The following PRIM2 variants were observed in gnomAD, a reference collection of about 807,000 sequenced individuals.
PRIM2 encodes DNA primase large subunit.
Under a neutral mutation model 67.3 loss-of-function variants are expected in PRIM2, and 39 were observed. That is an observed-to-expected ratio of 0.58 (90% CI 0.45 to 0.76). The LOEUF is 0.76. PRIM2 is among the 30% of genes least tolerant of loss of function. PRIM2 has a pLI of 0.00. For missense variants in PRIM2, 398 were observed against 598.7 expected (o/e 0.66, Z 3.50); for synonymous variants, 143 against 198.7 (o/e 0.72, Z 2.36).
intron 12 of PRIM2, among the ~76,000 whole-genome samples, chr6:57,623,616 A>G (rs1214030549): frequency 2.6e-5 from 4 of 152,180 alleles, no homozygotes; most frequent in African/African-American, 9.7e-5. Context: ...CTAACTGCCT[A>G]TAGTCATAAA....
chr6:57,591,492 A>G (rs1300156340), intron 10 of PRIM2, among the ~76,000 whole-genome samples: 1 of 152,186 alleles, frequency 6.6e-6, no homozygotes, highest in Non-Finnish European at 1.5e-5. Context: ...AATTCTGGGC[A>G]CTGGTGAGTA....
At chr6:57,408,397 G>C (rs1483718119) in intron 7 of PRIM2, among the ~76,000 whole-genome samples, 1 of 152,206 alleles carries the variant, frequency 6.6e-6, no homozygotes, top group African/African-American at 2.4e-5. Context: ...ATTTGCATAT[G>C]GCTCAGGTGA....
chr6:57,510,856 T>A (rs1251649422), intron 8 of PRIM2, among the ~76,000 whole-genome samples: 1 of 152,164 alleles, frequency 6.6e-6, no homozygotes. Context: ...AAATAGGAAA[T>A]AATATTATTT....
chr6:57,586,767 T>A (rs1776195787), intron 10 of PRIM2, among the ~76,000 whole-genome samples: 1 of 152,176 alleles, frequency 6.6e-6, no homozygotes. Context: ...TGCCAAAGGC[T>A]CTGTGGATGA....
chr6:57,557,183 A>G (rs1394573668), intron 10 of PRIM2, among the ~76,000 whole-genome samples: 34 of 136,720 alleles, frequency 2.5e-4, no homozygotes, highest in African/African-American at 8.6e-4. Flanking sequence ...GGGAGTGTAA[A>G]TTAGTTCAAC....
chr6:57,269,419 G>A, the PRIM2 span, among the ~76,000 whole-genome samples: 1 of 152,002 alleles, frequency 6.6e-6, no homozygotes, highest in Non-Finnish European at 1.5e-5. Context: ...TTTTTTGGCT[G>A]CATAAATGTC....
intron 7 of PRIM2, among the ~76,000 whole-genome samples, chr6:57,442,742 A>G (rs573487300): frequency 6.6e-6 from 1 of 152,292 alleles, no homozygotes; most frequent in Admixed American, 6.5e-5. Flanking sequence ...ATAATTTATG[A>G]ATACAATGTG....
At chr6:57,260,772 C>A in the PRIM2 span, among the ~76,000 whole-genome samples, 1 of 149,926 alleles carries the variant, frequency 6.7e-6, no homozygotes, top group Non-Finnish European at 1.5e-5. Context: ...TTCCTTTGTC[C>A]AGTAAAAAAA....
At chr6:57,374,539 G>A (rs1281014950) in intron 5 of PRIM2, among the ~76,000 whole-genome samples, 2 of 150,362 alleles carry the variant, frequency 1.3e-5, no homozygotes, top group East Asian at 2.0e-4. Flanking sequence ...TGATCCGCCC[G>A]TCTCGGCCTC....
intron 8 of PRIM2, among the ~76,000 whole-genome samples, chr6:57,527,286 G>A (rs1415402045): frequency 3.2e-4 from 49 of 152,190 alleles, no homozygotes; most frequent in African/African-American, 1.1e-3. Flanking sequence ...CTGAATTACA[G>A]TTTTATTGTT....
At chr6:57,388,657 A>G (rs1381707765) in intron 7 of PRIM2, among the ~76,000 whole-genome samples, 1 of 152,200 alleles carries the variant, frequency 6.6e-6, no homozygotes, top group East Asian at 1.9e-4. Flanking sequence ...ACAGTCTGGC[A>G]TCAAGGTCTA....
At chr6:57,261,796 TC>T in the PRIM2 span, among the ~76,000 whole-genome samples, 1 of 152,156 alleles carries the variant, frequency 6.6e-6, no homozygotes, top group Non-Finnish European at 1.5e-5. Context: ...GAAGGCTCCC[TC>T]CACCATTATA....
At chr6:57,322,612 A>G (rs1310982924) in intron 3 of PRIM2, among the ~76,000 whole-genome samples, 1 of 152,106 alleles carries the variant, frequency 6.6e-6, no homozygotes, top group African/African-American at 2.4e-5. Context: ...CATGATTGTA[A>G]GTTTCCTGAG....
intron 7 of PRIM2, among the ~76,000 whole-genome samples, chr6:57,482,575 T>A (rs1160158593): frequency 1.3e-5 from 2 of 150,580 alleles, no homozygotes; most frequent in Non-Finnish European, 2.9e-5. Context: ...GAACAATACA[T>A]TCAGGGATTT....
At chr6:57,408,991 A>G in intron 7 of PRIM2, among the ~76,000 whole-genome samples, 1 of 151,926 alleles carries the variant, frequency 6.6e-6, no homozygotes, top group Non-Finnish European at 1.5e-5. Flanking sequence ...TCATTCTTCT[A>G]TTCTTTTATT....
chr6:57,246,478 C>G, the PRIM2 span, among the ~76,000 whole-genome samples: 2 of 152,182 alleles, frequency 1.3e-5, no homozygotes, highest in Admixed American at 6.5e-5. Context: ...CCAGGAGATA[C>G]GCCGTCCTAT....
chr6:57,424,503 T>C (rs898945582), intron 7 of PRIM2, among the ~76,000 whole-genome samples: 1 of 152,132 alleles, frequency 6.6e-6, no homozygotes, highest in Non-Finnish European at 1.5e-5. Flanking sequence ...AAAATAAAGG[T>C]ATTTAAACTT....
intron 2 of PRIM2, among the ~76,000 whole-genome samples, chr6:57,319,170 C>G (rs182842120): frequency 6.6e-6 from 1 of 151,560 alleles, no homozygotes; most frequent in East Asian, 1.9e-4. Flanking sequence ...GTAACAAGTT[C>G]AGGAATTCAG....
intron 10 of PRIM2, among the ~76,000 whole-genome samples, chr6:57,539,889 G>A (rs1775109267): frequency 6.6e-6 from 1 of 151,916 alleles, no homozygotes; most frequent in South Asian, 2.1e-4. Flanking sequence ...AGCTACTGGG[G>A]TGGCTGAGTC....
Sources: gnomAD v4.1 joint callset for allele counts (sites outside exome capture counted in the v4.1 genomes callset) on GRCh38, gnomAD v4.1.1 for gene constraint, MANE v1.5 for transcripts, NCBI Gene and HGNC (gene_info 2026-07-23, HGNC 2026-07-21) for gene names.